Variants in LRRTM4 observed in about 807,000 individuals in gnomAD.
LRRTM4 encodes the protein leucine rich repeat transmembrane neuronal 4.
LRRTM4 carries 25 observed loss-of-function variants against 47.6 expected under a neutral mutation model. The ratio of observed to expected loss-of-function variants is 0.53; its 90% CI spans 0.38 to 0.73. The LOEUF is 0.73. Among genes scored for constraint, LRRTM4 ranks in the 30% least tolerant of loss-of-function variants. The pLI is 0.00. For missense variants in LRRTM4, 638 were observed against 713.4 expected (o/e 0.89, Z 1.20); for synonymous variants, 311 against 269.5 (o/e 1.15, Z -1.51).
At chr2:77,014,728 T>C (rs1368899029) in intron 3 of LRRTM4, among the ~76,000 whole-genome samples, 1 of 151,846 alleles carries the variant, frequency 6.6e-6, no homozygotes, top group African/African-American at 2.4e-5. Flanking sequence ...AGGAGAATCG[T>C]TTGAACCTGG....
At chr2:77,257,885 G>A (rs55698524) in intron 3 of LRRTM4, among the ~76,000 whole-genome samples, 9,938 of 151,542 alleles carry the variant, frequency 0.066, 1,055 homozygotes, top group African/African-American at 0.23. Context: ...TGAAGCAGTC[G>A]GGAGTTCGAG....
At chr2:77,109,575 A>G (rs1050280086) in intron 3 of LRRTM4, among the ~76,000 whole-genome samples, 1 of 152,174 alleles carries the variant, frequency 6.6e-6, no homozygotes, top group Non-Finnish European at 1.5e-5. Context: ...AAGCAAAATA[A>G]AATTTTTGTG....
At chr2:77,394,840 G>C (rs1438372439) in intron 3 of LRRTM4, among the ~76,000 whole-genome samples, 1 of 152,006 alleles carries the variant, frequency 6.6e-6, no homozygotes, top group African/African-American at 2.4e-5. Context: ...ACCAGGCCAG[G>C]GTTGGTGGTC....
chr2:77,417,797 A>T (rs1265253967), intron 3 of LRRTM4, among the ~76,000 whole-genome samples: 1 of 152,006 alleles, frequency 6.6e-6, no homozygotes, highest in Non-Finnish European at 1.5e-5. Flanking sequence ...GCATTTTGAG[A>T]TATACCTAAT....
At chr2:77,440,399 G>A (rs866340709) in intron 3 of LRRTM4, among the ~76,000 whole-genome samples, 3 of 152,076 alleles carry the variant, frequency 2.0e-5, no homozygotes, top group African/African-American at 4.8e-5. Context: ...GGGCGACAGA[G>A]TGAGACTCCG....
chr2:77,046,897 A>G (rs778759812), intron 3 of LRRTM4, among the ~76,000 whole-genome samples: 1 of 152,024 alleles, frequency 6.6e-6, no homozygotes, highest in African/African-American at 2.4e-5. Flanking sequence ...GGCTGGATAA[A>G]AGAAAGGGAA....
chr2:76,771,579 A>C (rs960441145), intron 3 of LRRTM4, among the ~76,000 whole-genome samples: 1 of 151,740 alleles, frequency 6.6e-6, no homozygotes, highest in African/African-American at 2.4e-5. Context: ...CTTTGGCTAA[A>C]ACACTTGCCT....
chr2:76,888,218 A>G (rs577114304), intron 3 of LRRTM4, among the ~76,000 whole-genome samples: 2 of 151,398 alleles, frequency 1.3e-5, no homozygotes, highest in Non-Finnish European at 1.5e-5. Flanking sequence ...TGGAATAACA[A>G]TGAAATGTAG....
At chr2:76,754,818 G>C (rs1484398778) in intron 3 of LRRTM4, among the ~76,000 whole-genome samples, 1 of 152,056 alleles carries the variant, frequency 6.6e-6, no homozygotes, top group Admixed American at 6.6e-5. Context: ...CTGTGAACGT[G>C]CTTAGATTAT....
chr2:77,503,793 G>A (rs983126351), intron 3 of LRRTM4, among the ~76,000 whole-genome samples: 4 of 151,594 alleles, frequency 2.6e-5, no homozygotes, highest in Non-Finnish European at 4.4e-5. Flanking sequence ...GAAGTCAAGG[G>A]AGGAAAACAT....
intron 3 of LRRTM4, among the ~76,000 whole-genome samples, chr2:76,947,923 C>T (rs374178977): frequency 5.3e-5 from 8 of 151,838 alleles, no homozygotes; most frequent in African/African-American, 1.9e-4. Context: ...AAATTAGAAG[C>T]TGCCCAAATA....
At chr2:77,290,288 A>C (rs1676785429) in intron 3 of LRRTM4, among the ~76,000 whole-genome samples, 1 of 152,024 alleles carries the variant, frequency 6.6e-6, no homozygotes, top group South Asian at 2.1e-4. Flanking sequence ...CATTGCCTTC[A>C]AAGTGGAAGT....
chr2:77,081,834 A>G (rs1461136574), intron 3 of LRRTM4, among the ~76,000 whole-genome samples: 1 of 152,128 alleles, frequency 6.6e-6, no homozygotes, highest in African/African-American at 2.4e-5. Context: ...GACCAATCAG[A>G]TCATTCCTGG....
At chr2:77,451,583 T>G (rs1174203395) in intron 3 of LRRTM4, among the ~76,000 whole-genome samples, 1 of 152,252 alleles carries the variant, frequency 6.6e-6, no homozygotes, top group East Asian at 1.9e-4. Flanking sequence ...GAATGAGGTC[T>G]ACACTATACT....
chr2:77,017,060 G>A (rs1298521187), intron 3 of LRRTM4, among the ~76,000 whole-genome samples: 2 of 152,040 alleles, frequency 1.3e-5, no homozygotes, highest in Non-Finnish European at 2.9e-5. Flanking sequence ...AAAGGACTGA[G>A]GGAAAAGAAG....
chr2:77,151,985 A>G (rs1672443210), intron 3 of LRRTM4, among the ~76,000 whole-genome samples: 1 of 152,364 alleles, frequency 6.6e-6, no homozygotes, highest in East Asian at 1.9e-4. Context: ...ATACACATGT[A>G]GGCAAGAAGG....
intron 3 of LRRTM4, among the ~76,000 whole-genome samples, chr2:77,229,037 CTT>C (rs1674893730): frequency 6.6e-6 from 1 of 152,082 alleles, no homozygotes; most frequent in African/African-American, 2.4e-5. Flanking sequence ...GCTCCTCTCT[CTT>C]TATATCACTC....
At chr2:77,436,803 G>A (rs1031407519) in intron 3 of LRRTM4, among the ~76,000 whole-genome samples, 2 of 151,822 alleles carry the variant, frequency 1.3e-5, no homozygotes, top group East Asian at 1.9e-4. Flanking sequence ...AAAAGGCAAT[G>A]TTTTATTGGT....
At chr2:77,148,670 T>C (rs908714458) in intron 3 of LRRTM4, among the ~76,000 whole-genome samples, 5 of 152,124 alleles carry the variant, frequency 3.3e-5, no homozygotes, top group Non-Finnish European at 2.9e-5. Flanking sequence ...AAAAAGGGAA[T>C]AGAAAGCCCT....
Sources: gnomAD v4.1 joint callset for allele counts (sites outside exome capture counted in the v4.1 genomes callset) on GRCh38, gnomAD v4.1.1 for gene constraint, MANE v1.5 for transcripts, NCBI Gene and HGNC (gene_info 2026-07-23, HGNC 2026-07-21) for gene names.